The following ANKRD28 variants were observed in gnomAD, a reference collection of about 807,000 sequenced individuals.
The protein encoded by ANKRD28 is serine/threonine-protein phosphatase 6 regulatory ankyrin repeat subunit A.
In ANKRD28, 44 loss-of-function variants were observed where a neutral mutation model predicts 126.5. The observed-to-expected ratio is 0.35, with a 90% CI of 0.27 to 0.45. The LOEUF (loss-of-function observed/expected upper bound fraction) is 0.45, where lower values mean the gene tolerates loss of function less well. ANKRD28 is among the 20% of genes least tolerant of loss of function. The probability of loss-of-function intolerance (pLI) is 1.00; values close to 1 mark genes in which losing one functional copy is unlikely to be tolerated. For synonymous variants in ANKRD28, 442 were observed against 468.5 expected (o/e 0.94, Z 0.73); for missense variants, 1,110 against 1,316.6 (o/e 0.84, Z 2.43).
intron 2 of ANKRD28, among the ~76,000 whole-genome samples, chr3:15,773,244 T>TA (rs1005982999): frequency 1.3e-5 from 2 of 151,290 alleles, no homozygotes; most frequent in African/African-American, 4.9e-5. Flanking sequence ...AAAGTTATAC[T>TA]AAAAAAAAGG....
intron 3 of ANKRD28, among the ~76,000 whole-genome samples, chr3:15,756,936 A>G (rs554799080): frequency 6.6e-6 from 1 of 152,288 alleles, no homozygotes; most frequent in East Asian, 1.9e-4. Flanking sequence ...CCTCAATTAC[A>G]GCTGACCCTT....
At chr3:15,712,019 G>C in intron 11 of ANKRD28, 121 bp downstream of exon 11, 3 of 752,756 alleles carry the variant, frequency 4.0e-6, no homozygotes, top group Non-Finnish European at 6.7e-6. Flanking sequence ...TTCTAAAAGG[G>C]GTTATTAAAT....
At chr3:15,729,552 G>C (rs1170966291) in intron 6 of ANKRD28, among the ~76,000 whole-genome samples, 1 of 152,076 alleles carries the variant, frequency 6.6e-6, no homozygotes, top group African/African-American at 2.4e-5. Context: ...TGTTCCACAA[G>C]GCCAAGAGCA....
chr3:15,701,104 A>G (rs988728875), intron 14 of ANKRD28, among the ~76,000 whole-genome samples: 1 of 152,236 alleles, frequency 6.6e-6, no homozygotes, highest in South Asian at 2.1e-4. Flanking sequence ...AAACAAATGA[A>G]AAGAAATTCT....
intron 3 of ANKRD28, among the ~76,000 whole-genome samples, chr3:15,753,590 G>A (rs1343353679): frequency 1.3e-5 from 2 of 152,182 alleles, no homozygotes; most frequent in Non-Finnish European, 2.9e-5. Flanking sequence ...ATCAACAAAG[G>A]TAAATAAGAA....
chr3:15,723,987 A>G (rs1315782593), intron 7 of ANKRD28, among the ~76,000 whole-genome samples: 2 of 152,196 alleles, frequency 1.3e-5, no homozygotes, highest in African/African-American at 2.4e-5. Context: ...GCTCTTGCCA[A>G]TATTCTGTAA....
At position 15,833,540 on chromosome 3, in the gene ANKRD28, T is replaced by C. The variant is rs907370533; in HGVS notation, c.27+25837A>G. On this transcript the variant is annotated intron_variant, in intron 1 of 27. Coordinates refer to the ANKRD28 transcript ENST00000399451. This position sits in a 1 kb window ranked among gnomAD's most constrained non-coding sequence, Gnocchi z 4.4. ...ATATATATATAAAATATATACATTA[T>C]TTTTTATATATATAATGTGTGTGTG... Among the ~76,000 whole-genome samples, 2 of 148,778 alleles carry C rather than the reference T, an allele frequency of 1.3e-5. No individual in the cohort carries two copies. Among genetic ancestry groups the C allele is most frequent in the Non-Finnish European group, 3.0e-5 (2 of 67,342 alleles).
chr3:15,856,457 T>C (rs2061769063), intron 1 of ANKRD28, among the ~76,000 whole-genome samples: 2 of 152,172 alleles, frequency 1.3e-5, no homozygotes, highest in South Asian at 2.1e-4. Flanking sequence ...CATTTTAACA[T>C]ACCAACTGCA....
intron 1 of ANKRD28, among the ~76,000 whole-genome samples, chr3:15,811,891 C>T (rs2060720023): frequency 6.6e-6 from 1 of 151,882 alleles, no homozygotes; most frequent in Admixed American, 6.5e-5. Flanking sequence ...CAGTGGCTCA[C>T]GCCTGTAATC....
At chr3:15,759,681 A>G (rs996975667) in intron 3 of ANKRD28, among the ~76,000 whole-genome samples, 3 of 152,218 alleles carry the variant, frequency 2.0e-5, no homozygotes, top group Non-Finnish European at 4.4e-5. Flanking sequence ...TACAATAAGG[A>G]AACAGTTACA....
rs1014339600 is a variant in ANKRD28, at chr3:15,843,153, G to C, written c.27+16224C>G. ...GCTTTCAATCATGGTGGAAGGCAAAGAGGTAGCAGGCACATCACATGGTGA... is the reference window on the plus strand; with the variant it reads ...GCTTTCAATCATGGTGGAAGGCAAACAGGTAGCAGGCACATCACATGGTGA... On this transcript the variant is annotated intron_variant, in intron 1 of 27. Coordinates refer to the ANKRD28 transcript ENST00000399451. This position sits in a 1 kb window ranked among gnomAD's most constrained non-coding sequence, Gnocchi z 5.2. 6.6e-6 allele frequency among the ~76,000 whole-genome samples: 1 copy of C among 152,218 alleles called. No individual in the cohort carries two copies. Among genetic ancestry groups the C allele is most frequent in the African/African-American group, 2.4e-5 (1 of 41,456 alleles).
intron 2 of ANKRD28, among the ~76,000 whole-genome samples, chr3:15,793,734 T>A (rs573236272): frequency 6.6e-6 from 1 of 152,180 alleles, no homozygotes; most frequent in South Asian, 2.1e-4. Flanking sequence ...TACTCTTCAG[T>A]ATACCCTGGG....
At chr3:15,715,555 C>A (rs1437947094) in intron 8 of ANKRD28, among the ~76,000 whole-genome samples, 1 of 152,122 alleles carries the variant, frequency 6.6e-6, no homozygotes, top group African/African-American at 2.4e-5. Flanking sequence ...AAGTTCTAAT[C>A]TTTTGGAGGC....
intron 6 of ANKRD28, chr3:15,733,597 C>A (rs977448555): frequency 1.6e-4 from 24 of 152,134 alleles, no homozygotes; most frequent in African/African-American, 5.8e-4. Flanking sequence ...CAATTGATAT[C>A]ATTTCTCAAA....
At chr3:15,707,745 G>A (rs2071650869) in intron 14 of ANKRD28, among the ~76,000 whole-genome samples, 179 bp downstream of exon 14, 1 of 152,200 alleles carries the variant, frequency 6.6e-6, no homozygotes, top group South Asian at 2.1e-4. Flanking sequence ...AGAATAGGTA[G>A]TAATAACTAT....
Position 15,714,587 on chromosome 3 carries a change from T to C in ANKRD28, c.1066A>G (p.Ile356Val), listed in dbSNP as rs1040674229. The change falls in exon 9 of 28, where the codon ATC becomes GTC. Residue 356 changes from isoleucine to valine, a missense_variant. Transcript: ENST00000683139. ...HGRFSRSQTIIQSGAVIDCED... is the reference protein window; with the variant it reads ...HGRFSRSQTIVQSGAVIDCED... Reference sequence around the variant, plus strand: ...CAGAAATACTTTTTACCACTCTGGATAATGGTTTGTGATCGGGAGAATCTA... The same window carrying C: ...CAGAAATACTTTTTACCACTCTGGACAATGGTTTGTGATCGGGAGAATCTA... 3.9e-5 allele frequency: 61 copies of C among 1,580,616 alleles called. No homozygotes were observed. The highest frequency in any genetic ancestry group is 5.1e-5 in the Non-Finnish European group (59 of 1,167,638).
At chr3:15,852,312 T>C (rs369667475) in intron 1 of ANKRD28, among the ~76,000 whole-genome samples, 1 of 152,342 alleles carries the variant, frequency 6.6e-6, no homozygotes, top group East Asian at 1.9e-4. Flanking sequence ...ATAAAACCTG[T>C]ATTTCTTTAG....
At chr3:15,836,057 G>T (rs866544750) in intron 1 of ANKRD28, among the ~76,000 whole-genome samples, 2 of 151,992 alleles carry the variant, frequency 1.3e-5, no homozygotes, top group South Asian at 4.1e-4. Flanking sequence ...AAAAATGGGA[G>T]TGAATTATAT....
chr3:15,827,934 A>G (rs1422153196), intron 1 of ANKRD28, among the ~76,000 whole-genome samples: 1 of 152,208 alleles, frequency 6.6e-6, no homozygotes, highest in African/African-American at 2.4e-5. Flanking sequence ...ACATTTATCA[A>G]AAGGTATACA....
Sources: allele counts gnomAD v4.1 joint callset (sites outside exome capture counted in the v4.1 genomes callset), GRCh38; gene constraint gnomAD v4.1.1; non-coding constraint Gnocchi (gnomAD v3.1); transcripts MANE v1.5; gene names NCBI Gene and HGNC (gene_info 2026-07-23, HGNC 2026-07-21).